The following CEP126 variants were observed in gnomAD, a reference collection of about 807,000 sequenced individuals.
The protein encoded by CEP126 is centrosomal protein of 126 kDa.
In CEP126, 74 loss-of-function variants were observed where a neutral mutation model predicts 107.8. The ratio of observed to expected loss-of-function variants is 0.69; its 90% CI spans 0.57 to 0.83. The LOEUF (loss-of-function observed/expected upper bound fraction) is 0.83. CEP126 is among the 40% of genes least tolerant of loss of function. The pLI, the probability that CEP126 is intolerant of heterozygous loss-of-function variation, is 0.00. For missense variants in CEP126, 1,237 were observed against 1,281.9 expected, an observed-to-expected ratio of 0.96 and a Z score of 0.53; for synonymous variants, 449 against 446.0, an observed-to-expected ratio of 1.01 and a Z score of -0.08.
At chr11:101,996,740 T>C (rs1941445860) in intron 10 of CEP126, among the ~76,000 whole-genome samples, 1 of 152,110 alleles carries the variant, frequency 6.6e-6, no homozygotes, top group Admixed American at 6.5e-5. Flanking sequence ...AAGGACTAAA[T>C]GAAACAGATT....
chr11:101,943,989 C>G (rs1009089066), intron 2 of CEP126, among the ~76,000 whole-genome samples: 1 of 152,006 alleles, frequency 6.6e-6, no homozygotes, highest in African/African-American at 2.4e-5. Flanking sequence ...GCACAGTTTG[C>G]GAGGTGGGAA....
chr11:101,963,477 AAATAT>A lies in CEP126; in HGVS notation c.2444_2448del (p.Asn815ThrfsTer11). 6.2e-7 allele frequency: 1 copy of A among 1,614,162 alleles called. No individual in the cohort carries two copies. The highest frequency in any genetic ancestry group is 8.5e-7 in the Non-Finnish European group (1 of 1,180,024). On this transcript the variant is annotated frameshift_variant, in exon 6 of 11. Coordinates refer to ENST00000263468, the MANE Select transcript of CEP126 (RefSeq NM_020802.4). LOFTEE classifies it high-confidence loss of function. ...CTACATCAAATATTAGAAGTGGTAAAAATATACAAGTGTCTCAGTGTCAACCAGTA... is the reference window on the plus strand; with the variant it reads ...CTACATCAAATATTAGAAGTGGTAAAACAAGTGTCTCAGTGTCAACCAGTA...
chr11:101,964,127 G>A (rs969770742), intron 6 of CEP126, among the ~76,000 whole-genome samples: 1 of 150,134 alleles, frequency 6.7e-6, no homozygotes, highest in African/African-American at 2.5e-5. Flanking sequence ...CTAACATAGC[G>A]AAATCCCATC....
intron 2 of CEP126, among the ~76,000 whole-genome samples, chr11:101,941,152 ACT>A (rs1242178220): frequency 1.3e-5 from 2 of 151,972 alleles, no homozygotes; most frequent in Non-Finnish European, 1.5e-5. Context: ...CTCTATTATG[ACT>A]CTCTATTTAA....
chr11:101,964,630 C>G (rs1249572418), intron 6 of CEP126, among the ~76,000 whole-genome samples: 1 of 140,384 alleles, frequency 7.1e-6, no homozygotes. Flanking sequence ...CAGAGCCAGA[C>G]TCTATCTAAA....
chr11:101,946,353 C>A (rs1299701536), intron 3 of CEP126, among the ~76,000 whole-genome samples: 2 of 151,762 alleles, frequency 1.3e-5, no homozygotes, highest in African/African-American at 4.8e-5. Flanking sequence ...ACAAACAACA[C>A]AAAAATTAGC....
intron 4 of CEP126, among the ~76,000 whole-genome samples, chr11:101,951,138 GTGCTTTC>G (rs1217946777): frequency 9.2e-5 from 14 of 152,128 alleles, no homozygotes; most frequent in Non-Finnish European, 1.6e-4. Context: ...TGAAGATAAT[GTGCTTTC>G]ACAGTGCAGA....
intron 9 of CEP126, 117 bp downstream of exon 9, chr11:101,987,158 C>G: frequency 1.5e-6 from 1 of 666,454 alleles, no homozygotes; most frequent in East Asian, 2.8e-5. Context: ...ATATTACCAA[C>G]TACCTGAGTG....
chr11:101,975,260 A>G (rs1010762151), intron 6 of CEP126, among the ~76,000 whole-genome samples: 2 of 152,232 alleles, frequency 1.3e-5, no homozygotes, highest in African/African-American at 4.8e-5. Flanking sequence ...ACGACTGGTA[A>G]CCAGTATTTT....
chr11:101,920,335 T>C (rs985814464), intron 1 of CEP126, among the ~76,000 whole-genome samples: 2 of 152,216 alleles, frequency 1.3e-5, no homozygotes, highest in African/African-American at 4.8e-5. Context: ...AATTAACAAA[T>C]TATGTACCGC....
At chr11:101,921,220 A>C (rs1256849668) in intron 1 of CEP126, among the ~76,000 whole-genome samples, 1 of 152,074 alleles carries the variant, frequency 6.6e-6, no homozygotes, top group Non-Finnish European at 1.5e-5. Flanking sequence ...AAATAACTAA[A>C]CTGTATTCCT....
Position 101,982,037 on chromosome 11 carries a change from G to A in CEP126, c.3034+73G>A. ...TTTTTTTCTTGTATGCCTATTCTCA[G>A]ATGCTAACGTATTATGTAATTGTTA... On this transcript the variant is annotated intron_variant, in intron 8 of 10. Transcript: ENST00000263468. The A allele has an allele frequency of 3.9e-6, 3 of 771,666 alleles. No individual in the cohort carries two copies. In the South Asian group the frequency reaches 4.9e-5, roughly 13 times the overall value. 47.8% of individuals were successfully genotyped at this position (771,666 alleles called of 1,614,324 possible).
At chr11:101,938,892 A>G (rs1257914152) in intron 2 of CEP126, among the ~76,000 whole-genome samples, 1 of 152,096 alleles carries the variant, frequency 6.6e-6, no homozygotes. Context: ...TTTTCTAGAT[A>G]TCGTAATTGA....
chr11:101,964,062 T>C (rs1941028898), intron 6 of CEP126, among the ~76,000 whole-genome samples, 182 bp downstream of exon 6: 1 of 152,116 alleles, frequency 6.6e-6, no homozygotes, highest in South Asian at 2.1e-4. Context: ...TCCCAGCACT[T>C]TGGGAGGCCC....
At chr11:101,934,964 A>G (rs746093091) in intron 2 of CEP126, among the ~76,000 whole-genome samples, 2 of 152,122 alleles carry the variant, frequency 1.3e-5, no homozygotes, top group Non-Finnish European at 2.9e-5. Context: ...TAACCATATA[A>G]GAAGATGTCA....
rs1941021938 is a variant in CEP126, at chr11:101,963,750, A to G, written c.2715A>G (p.Leu905=). ...CAGTTGCCCGGCAAGATGCGACATTATATTGCACCCAAAGAAGTCCTGTTT... is the reference window on the plus strand; with the variant it reads ...CAGTTGCCCGGCAAGATGCGACATTGTATTGCACCCAAAGAAGTCCTGTTT... The part of the protein sequence containing the change: ...TQAVARQDAT[L]YCTQRSPVCE... Residue 905 remains leucine, a synonymous_variant, in exon 6 of 11, where the codon TTA becomes TTG. Transcript: ENST00000263468. 6.2e-7 allele frequency: 1 copy of G among 1,614,092 alleles called. No individual in the cohort carries two copies. The highest frequency in any genetic ancestry group is 8.5e-7 in the Non-Finnish European group (1 of 1,180,004).
At chr11:101,916,288 A>T (rs1377792146) in intron 1 of CEP126, 2 of 152,198 alleles carry the variant, frequency 1.3e-5, no homozygotes, top group Non-Finnish European at 2.9e-5. Context: ...CTCTGTTACA[A>T]TTTTAGCAGC....
chr11:101,978,990 G>C (rs1941224920), intron 7 of CEP126, among the ~76,000 whole-genome samples: 1 of 145,736 alleles, frequency 6.9e-6, no homozygotes, highest in East Asian at 1.9e-4. Flanking sequence ...AAATTAGCCA[G>C]GGGTGGTGGC....
At chr11:101,920,214 G>T (rs1208777739) in intron 1 of CEP126, among the ~76,000 whole-genome samples, 2 of 152,092 alleles carry the variant, frequency 1.3e-5, no homozygotes, top group South Asian at 2.1e-4. Flanking sequence ...ATCAGCAAAG[G>T]TCTAAACAAC....
Sources: gnomAD v4.1 joint callset for allele counts (sites outside exome capture counted in the v4.1 genomes callset) on GRCh38, gnomAD v4.1.1 for gene constraint, MANE v1.5 for transcripts, NCBI Gene and HGNC (gene_info 2026-07-23, HGNC 2026-07-21) for gene names.